PHLDB1: variants seen among roughly 807,000 people sequenced by gnomAD.
PHLDB1 encodes pleckstrin homology-like domain family B member 1.
Under a neutral mutation model 139.3 loss-of-function variants are expected in PHLDB1, and 65 were observed. The observed-to-expected ratio is 0.47, with a 90% confidence interval of 0.38 to 0.57. PHLDB1 has a LOEUF of 0.57. Among genes scored for constraint, PHLDB1 ranks in the 20% least tolerant of loss-of-function variants. The pLI, the probability that PHLDB1 is intolerant of heterozygous loss-of-function variation, is 0.00. For synonymous variants in PHLDB1, 679 were observed against 734.5 expected (o/e 0.92, Z 1.22); for missense variants, 1,624 against 1,839.7 (o/e 0.88, Z 2.14).
chr11:118,653,415 C>T (rs1948609614), intron 20 of PHLDB1: 1 of 152,142 alleles, frequency 6.6e-6, no homozygotes, highest in African/African-American at 2.4e-5. Flanking sequence ...CCTCTGAACC[C>T]CTGCATTATC....
chr11:118,639,593 G>A (rs953162356), intron 12 of PHLDB1: 3 of 362,014 alleles, frequency 8.3e-6, no homozygotes, highest in African/African-American at 6.1e-5. Context: ...GGGGAGCATA[G>A]GGATATAGGG....
chr11:118,614,444 A>T, intron 2 of PHLDB1, 115 bp from the exon 3 acceptor site: 2 of 1,131,872 alleles, frequency 1.8e-6, no homozygotes, highest in Non-Finnish European at 2.5e-6. Flanking sequence ...GCCTTTCAGC[A>T]CCCTCAGAGC....
chr11:118,629,663 G>T (rs548934060), intron 6 of PHLDB1, among the ~76,000 whole-genome samples: 1 of 152,282 alleles, frequency 6.6e-6, no homozygotes, highest in African/African-American at 2.4e-5. Flanking sequence ...TGTGTTGGAT[G>T]GGGGTGAGAT....
At position 118,643,881 on chromosome 11, in the gene PHLDB1, T is replaced by A. The variant is rs1555123898; in HGVS notation, c.2959T>A (p.Ser987Thr). 1 of 1,611,252 alleles carries A rather than the reference T, an allele frequency of 6.2e-7. No individual in the cohort carries two copies. The highest frequency in any genetic ancestry group is 8.5e-7 in the Non-Finnish European group (1 of 1,178,860). ...CGGCCCCCTCCCCTCCTCCTCTGGC[T>A]CTTCCTCCTCCTCCTCCCAGCTCAG... Reference protein sequence around the residue: ...RSGPLPSSSGSSSSSSQLSVA... With the variant: ...RSGPLPSSSGTSSSSSQLSVA... The change falls in exon 14 of 23, where the codon TCT becomes ACT. Residue 987 changes from serine (S) to threonine (T), a missense_variant. Transcript: ENST00000600882.
In PHLDB1 at chr11:118,632,531, C is replaced by T. The variant is rs374410434; in HGVS notation, c.2379+235C>T. On this transcript the variant is annotated intron_variant, in intron 9 of 22. Transcript: ENST00000600882. This position sits in a 1 kb window ranked among gnomAD's most constrained non-coding sequence, Gnocchi z 5.9. ...GGTCTCCTCTGTCTGGGTCTGTGTGCTACCTCTGGGTGCCTGCCATCCTAG... is the reference window on the plus strand; with the variant it reads ...GGTCTCCTCTGTCTGGGTCTGTGTGTTACCTCTGGGTGCCTGCCATCCTAG... The T allele has an allele frequency of 1.9e-4, 111 of 572,890 alleles. 1 individual carries two copies. The highest frequency in any genetic ancestry group is 1.3e-3 in the East Asian group (44 of 33,898). 35.5% of individuals were successfully genotyped at this position (572,890 alleles called of 1,614,324 possible). A position where few individuals can be genotyped will look rare whatever the true frequency, so the allele number is the denominator to read the frequency against.
chr11:118,614,254 C>G (rs189066480), intron 2 of PHLDB1, among the ~76,000 whole-genome samples: 83 of 151,968 alleles, frequency 5.5e-4, no homozygotes, highest in African/African-American at 1.5e-3. Context: ...CTACAGTACC[C>G]CTGCTGCTTA....
chr11:118,653,490 A>G (rs1420506649), intron 20 of PHLDB1: 3 of 152,118 alleles, frequency 2.0e-5, no homozygotes, highest in Non-Finnish European at 4.4e-5. Flanking sequence ...GTGCCACGTT[A>G]TGTGCCACAC....
At chr11:118,617,119 C>T (rs1278647787) in intron 4 of PHLDB1, among the ~76,000 whole-genome samples, 8 of 152,136 alleles carry the variant, frequency 5.3e-5, no homozygotes, top group Non-Finnish European at 8.8e-5. Flanking sequence ...GGCAGGTAAG[C>T]GGTTGGCCCA....
chr11:118,648,905 C>G (rs1284627683), intron 18 of PHLDB1, among the ~76,000 whole-genome samples: 1 of 152,184 alleles, frequency 6.6e-6, no homozygotes, highest in Non-Finnish European at 1.5e-5. Flanking sequence ...CTTTCCCAAG[C>G]AGTGATCACA....
chr11:118,642,426 G>T, intron 13 of PHLDB1, 32 bp downstream of exon 13: 1 of 1,597,164 alleles, frequency 6.3e-7, no homozygotes. Context: ...GTCCTCCCCA[G>T]CCTTTGCACC....
intron 18 of PHLDB1, 98 bp downstream of exon 18, chr11:118,648,174 G>A: frequency 8.2e-7 from 1 of 1,215,346 alleles, no homozygotes; most frequent in Non-Finnish European, 1.2e-6. Flanking sequence ...TGTAAAACCT[G>A]TTCTACTCCA....
chr11:118,650,626 G>T lies in PHLDB1; in HGVS notation c.3874+79G>T. 1 of 996,652 alleles carries T rather than the reference G, an allele frequency of 1.0e-6. No individual in the cohort carries two copies. Among genetic ancestry groups the T allele is most frequent in the Non-Finnish European group, 1.6e-6 (1 of 625,404 alleles). 61.7% of individuals were successfully genotyped at this position (996,652 alleles called of 1,614,324 possible). A position where few individuals can be genotyped will look rare whatever the true frequency, so the allele number is the denominator to read the frequency against. ...ACCCAGGACGGCTGGTCTTCTAGAA[G>T]GAGGCCAAGCTTCCAAGTAGGGGAC... is the stretch of plus-strand genomic sequence containing the variant. On this transcript the variant is annotated intron_variant, in intron 20 of 22. Coordinates refer to ENST00000600882, the MANE Select transcript of PHLDB1 (RefSeq NM_001144758.3). The surrounding 1 kb of genome is among the most constrained non-coding windows in gnomAD (Gnocchi z 4.7).
chr11:118,632,585 A>G lies in PHLDB1; in HGVS notation c.2379+289A>G. ...CTTTATGGCCCTTCTAGGAAGTGCCAAAGCCCCTTCTTGGGCAGTGAGCAC... is the reference window on the plus strand; with the variant it reads ...CTTTATGGCCCTTCTAGGAAGTGCCGAAGCCCCTTCTTGGGCAGTGAGCAC... On this transcript the variant is annotated intron_variant, in intron 9 of 22. Coordinates refer to ENST00000600882, the MANE Select transcript of PHLDB1 (RefSeq NM_001144758.3). The surrounding 1 kb of genome is among the most constrained non-coding windows in gnomAD (Gnocchi z 5.9). 2.3e-6 allele frequency: 1 copy of G among 439,554 alleles called. No homozygotes were observed. Among genetic ancestry groups the G allele is most frequent in the South Asian group, 3.2e-5 (1 of 31,382 alleles). 27.2% of individuals were successfully genotyped at this position (439,554 alleles called of 1,614,324 possible).
rs1940018691 is a variant in PHLDB1, at chr11:118,610,717, A to G, written c.-22+3018A>G. On this transcript the variant is annotated intron_variant, in intron 1 of 22. Transcript: ENST00000600882. The surrounding 1 kb of genome is among the most constrained non-coding windows in gnomAD (Gnocchi z 8.7). ...CTTGGCCTCCTTCAGGCGGGGGCCA[A>G]GACCCCCGAGAGTTCACTCTGGGTG... Among the ~76,000 whole-genome samples the G allele has an allele frequency of 6.6e-6, 1 of 152,020 alleles. No homozygotes were observed. The highest frequency in any genetic ancestry group is 1.5e-5 in the Non-Finnish European group (1 of 67,964).
chr11:118,626,432 G>A (rs1555101311), intron 5 of PHLDB1, among the ~76,000 whole-genome samples: 1 of 151,948 alleles, frequency 6.6e-6, no homozygotes. Context: ...CGCCCAGGCT[G>A]CAGTGCAGTG....
Position 118,648,061 on chromosome 11 carries a change from G to A in PHLDB1, c.3639G>A (p.Glu1213=). Residue 1213 remains glutamate (E), a synonymous_variant, in exon 18 of 23, where the codon GAG becomes GAA. Transcript: ENST00000600882. ...TCGAGAAGGAGGTCAAGATGCGGGA[G>A]AAACAATTTTCCCAGGTGAATGGGC... ...QLVEKEVKMR[E]KQFSQARPLT... 6.2e-7 allele frequency: 1 copy of A among 1,613,594 alleles called. No individual in the cohort carries two copies. The highest frequency in any genetic ancestry group is 8.5e-7 in the Non-Finnish European group (1 of 1,179,696).
rs782248447 is a variant in PHLDB1 at position 118,625,031 on chromosome 11, C to A, written c.453C>A (p.Ala151=). Residue 151 remains alanine (A), a synonymous_variant, in exon 5 of 23, where the codon GCC becomes GCA. Coordinates refer to ENST00000600882, the MANE Select transcript of PHLDB1 (RefSeq NM_001144758.3). ...GCATGATTCCAGCAGGGGGCCGAGC[C>A]CCTGGGCCCCCCTACAGCCCTGTTC... is the stretch of plus-strand genomic sequence containing the variant. The part of the protein sequence containing the change: ...MKSMIPAGGR[A]PGPPYSPVPA... 6.2e-6 allele frequency: 10 copies of A among 1,611,706 alleles called. No homozygotes were observed. The highest frequency in any genetic ancestry group is 1.1e-5 in the South Asian group (1 of 90,768).
intron 17 of PHLDB1, 26 bp from the exon 18 acceptor site, chr11:118,647,904 T>A: frequency 6.4e-7 from 1 of 1,552,506 alleles, no homozygotes; most frequent in East Asian, 2.4e-5. Flanking sequence ...TGGCCATAGG[T>A]GCTGACCCCT....
intron 2 of PHLDB1, 131 bp downstream of exon 2, chr11:118,614,027 A>G: frequency 1.5e-6 from 1 of 646,624 alleles, no homozygotes. Flanking sequence ...CCAGGTCCCA[A>G]GCCTATTAAC....
Sources: gnomAD v4.1 joint callset for allele counts (sites outside exome capture counted in the v4.1 genomes callset) on GRCh38, gnomAD v4.1.1 for gene constraint, Gnocchi (gnomAD v3.1) non-coding constraint, MANE v1.5 for transcripts, NCBI Gene and HGNC (gene_info 2026-07-23, HGNC 2026-07-21) for gene names.